Variants in SPATS2L observed in about 807,000 individuals in gnomAD.
SPATS2L encodes spermatogenesis associated serine rich 2 like, also known as SPATS2-like protein.
A neutral mutation model predicts 59.6 loss-of-function variants in SPATS2L; 30 were observed. The ratio of observed to expected loss-of-function variants is 0.50; its 90% CI spans 0.38 to 0.68. SPATS2L has a LOEUF of 0.68. SPATS2L is among the 30% of genes least tolerant of loss of function. SPATS2L has a pLI of 0.00. For synonymous variants in SPATS2L, 252 were observed against 263.5 expected, an observed-to-expected ratio of 0.96 and a Z score of 0.42; for missense variants, 615 against 700.0, an observed-to-expected ratio of 0.88 and a Z score of 1.37.
chr2:200,342,145 CACTA>C (rs1395567167), intron 2 of SPATS2L, among the ~76,000 whole-genome samples: 2 of 152,158 alleles, frequency 1.3e-5, no homozygotes, highest in East Asian at 1.9e-4. Flanking sequence ...ATGGACTTAT[CACTA>C]ACTATCACTC....
chr2:200,413,418 G>A (rs1051020097), intron 4 of SPATS2L, among the ~76,000 whole-genome samples: 3 of 152,150 alleles, frequency 2.0e-5, no homozygotes, highest in Non-Finnish European at 2.9e-5. Flanking sequence ...ACAACGTAAT[G>A]CTTTGGATTT....
At chr2:200,452,672 G>A (rs2085542303) in intron 8 of SPATS2L, among the ~76,000 whole-genome samples, 1 of 152,186 alleles carries the variant, frequency 6.6e-6, no homozygotes, top group African/African-American at 2.4e-5. Flanking sequence ...CAGTCAGATG[G>A]ATTTTGACTT....
Position 200,440,657 on chromosome 2 carries a change from A to T in SPATS2L, c.661A>T (p.Ile221Phe). The change falls in exon 8 of 13, where the codon ATT becomes TTT. Residue 221 changes from isoleucine (I) to phenylalanine (F), a missense_variant. Physicochemically the swap from Ile to Phe is conservative, Grantham distance 21. Transcript: ENST00000409140. ...DELAKKRGPN[I>F]EKSVKDLQRC... is the part of the protein sequence containing the mutation. ...TTTGACATCAATTTTAGGCCCAAAT[A>T]TTGAGAAATCAGTGAAGGATTTGCA... 1 of 1,612,530 alleles carries T rather than the reference A, an allele frequency of 6.2e-7. No homozygotes were observed. Among genetic ancestry groups the T allele is most frequent in the Non-Finnish European group, 8.5e-7 (1 of 1,179,140 alleles).
chr2:200,360,279 T>C (rs904364468), intron 2 of SPATS2L, among the ~76,000 whole-genome samples: 8 of 152,182 alleles, frequency 5.3e-5, no homozygotes, highest in Non-Finnish European at 1.0e-4. Flanking sequence ...CAGGTAATGT[T>C]GAGAGAGAGG....
At chr2:200,387,819 A>G (rs1162519097) in intron 2 of SPATS2L, among the ~76,000 whole-genome samples, 1 of 152,246 alleles carries the variant, frequency 6.6e-6, no homozygotes, top group Non-Finnish European at 1.5e-5. Context: ...TTCTGAATCA[A>G]TCTGTTTGTG....
rs1235345760 is a variant in SPATS2L, at chr2:200,416,485, G to A, written c.198+57G>A. On this transcript the variant is annotated intron_variant, in intron 5 of 12. Transcript: ENST00000409140. ...ATCTTCAATCAAAACCTTCATGGTT[G>A]TTATCATTTTAACAAGGCTGCCAAT... The A allele has an allele frequency of 5.7e-6, 6 of 1,045,892 alleles. No homozygotes were observed. In the African/African-American group the frequency reaches 8.3e-5, roughly 15 times the overall value. The allele number at this position is 1,045,892 out of a possible 1,614,324, so 64.8% of individuals were successfully genotyped here.
intron 12 of SPATS2L, among the ~76,000 whole-genome samples, chr2:200,475,989 G>A (rs551620665): frequency 6.6e-6 from 1 of 152,280 alleles, no homozygotes; most frequent in South Asian, 2.1e-4. Flanking sequence ...ATAAAACGAA[G>A]CACATAATAG....
At chr2:200,428,074 A>C (rs2083687252) in intron 6 of SPATS2L, among the ~76,000 whole-genome samples, 1 of 51,478 alleles carries the variant, frequency 1.9e-5, no homozygotes, top group Non-Finnish European at 4.6e-5. Context: ...TCTCAAAAAC[A>C]AAAAAAAAAA....
Position 200,480,152 on chromosome 2 carries a change from G to A in SPATS2L, c.*2121G>A, listed in dbSNP as rs115008954. On this transcript the variant is annotated 3_prime_UTR_variant, in exon 13 of 13. Coordinates refer to ENST00000409140, the MANE Select transcript of SPATS2L (RefSeq NM_001100423.2). The stretch of plus-strand genomic sequence containing the variant: ...ACAGGGAAAAAAATGAATTTGCCAG[G>A]TCAGGAGTTCACCTGCCTTTGTCAG... 1,386 of 157,438 alleles carry A rather than the reference G, an allele frequency of 8.8e-3. 18 individuals carry two copies. The highest frequency in any genetic ancestry group is 0.03 in the African/African-American group (1,257 of 41,822). The allele number at this position is 157,438 out of a possible 1,614,324, so 9.8% of individuals were successfully genotyped here. A position where few individuals can be genotyped will look rare whatever the true frequency, so the allele number is the denominator to read the frequency against.
intron 3 of SPATS2L, among the ~76,000 whole-genome samples, chr2:200,396,771 A>G (rs1001299964): frequency 6.6e-6 from 1 of 152,250 alleles, no homozygotes; most frequent in South Asian, 2.1e-4. Context: ...AAAAATTTGC[A>G]GGAGTGTAGA....
intron 3 of SPATS2L, among the ~76,000 whole-genome samples, chr2:200,411,041 A>G (rs2082860466): frequency 6.7e-6 from 1 of 149,688 alleles, no homozygotes; most frequent in Non-Finnish European, 1.5e-5. Context: ...ACATATATAT[A>G]TAATATTAGA....
chr2:200,400,472 G>C (rs1267566915), intron 3 of SPATS2L, among the ~76,000 whole-genome samples: 2 of 152,202 alleles, frequency 1.3e-5, no homozygotes, highest in Non-Finnish European at 2.9e-5. Context: ...GTAGATCAAA[G>C]AGACTGTTGC....
chr2:200,355,642 C>G (rs1407898399), intron 2 of SPATS2L, among the ~76,000 whole-genome samples: 4 of 152,218 alleles, frequency 2.6e-5, no homozygotes, highest in Non-Finnish European at 2.9e-5. Context: ...GAAAGCAGGA[C>G]TAGAAGTTCT....
intron 2 of SPATS2L, among the ~76,000 whole-genome samples, chr2:200,347,537 T>C (rs972525093): frequency 1.3e-5 from 2 of 152,182 alleles, no homozygotes; most frequent in Non-Finnish European, 2.9e-5. Flanking sequence ...CTTGCCCTCA[T>C]TGCCCATTTT....
intron 1 of SPATS2L, among the ~76,000 whole-genome samples, chr2:200,323,318 CA>C (rs1311696461): frequency 1.3e-5 from 2 of 152,058 alleles, no homozygotes; most frequent in Admixed American, 6.5e-5. Flanking sequence ...ATGTATTGAG[CA>C]AACCATTGGT....
At position 200,478,055 on chromosome 2, in the gene SPATS2L, T is replaced by C. The variant is rs763835261; in HGVS notation, c.*24T>C. 2 of 1,519,338 alleles carry C rather than the reference T, an allele frequency of 1.3e-6. No individual in the cohort carries two copies. The highest frequency in any genetic ancestry group is 1.8e-6 in the Non-Finnish European group (2 of 1,135,474). The allele number at this position is 1,519,338 out of a possible 1,614,324, so 94.1% of individuals were successfully genotyped here. A position where few individuals can be genotyped will look rare whatever the true frequency, so the allele number is the denominator to read the frequency against. On this transcript the variant is annotated 3_prime_UTR_variant, in exon 13 of 13. Transcript: ENST00000409140. ...GAGCTAGGAGGAAAAAGAGCAGTTT[T>C]CACTCAGTTTTGGTTCCCTGCCCGA...
At chr2:200,439,088 C>G in intron 6 of SPATS2L, 34 bp from the exon 7 acceptor site, 1 of 1,568,808 alleles carries the variant, frequency 6.4e-7, no homozygotes, top group Non-Finnish European at 8.8e-7. Flanking sequence ...TTTAGTTTAT[C>G]ACTTCACAGT....
chr2:200,431,557 A>C lies in SPATS2L; in HGVS notation c.446-7565A>C, dbSNP rs149735264. Reference sequence around the variant, plus strand: ...AATTACCTGTGTATAGAAGACAATGAAACCATCTTAACTCAAAGGGTTAAA... The same window carrying C: ...AATTACCTGTGTATAGAAGACAATGCAACCATCTTAACTCAAAGGGTTAAA... On this transcript the variant is annotated intron_variant, in intron 6 of 12. Transcript: ENST00000409140. 3.9e-3 allele frequency among the ~76,000 whole-genome samples: 591 copies of C among 152,350 alleles called. 3 individuals are homozygous for C. Among genetic ancestry groups the C allele is most frequent in the African/African-American group, 0.014 (567 of 41,584 alleles).
At chr2:200,460,215 A>T (rs1179754877) in intron 9 of SPATS2L, among the ~76,000 whole-genome samples, 2 of 152,058 alleles carry the variant, frequency 1.3e-5, no homozygotes, top group African/African-American at 4.8e-5. Context: ...AAACTTACAA[A>T]TCTCATCATC....
Sources: gnomAD v4.1 joint callset for allele counts (sites outside exome capture counted in the v4.1 genomes callset) on GRCh38, gnomAD v4.1.1 for gene constraint, MANE v1.5 for transcripts, NCBI Gene and HGNC (gene_info 2026-07-23, HGNC 2026-07-21) for gene names.